COL13A1: variants seen among roughly 807,000 people sequenced by gnomAD.
The protein encoded by COL13A1 is collagen type XIII alpha 1 chain.
A neutral mutation model predicts 130.9 loss-of-function variants in COL13A1; 89 were observed. The observed-to-expected ratio is 0.68, with a 90% CI of 0.57 to 0.81. The LOEUF (loss-of-function observed/expected upper bound fraction) is 0.81. Among genes scored for constraint, COL13A1 ranks in the 30% least tolerant of loss-of-function variants. COL13A1 has a pLI of 0.00. For synonymous variants in COL13A1, 402 were observed against 341.6 expected, an observed-to-expected ratio of 1.18 and a Z score of -1.95; for missense variants, 879 against 934.6, an observed-to-expected ratio of 0.94 and a Z score of 0.78.
At chr10:69,873,596 G>A (rs1056213849) in intron 4 of COL13A1, among the ~76,000 whole-genome samples, 2 of 152,168 alleles carry the variant, frequency 1.3e-5, no homozygotes, top group African/African-American at 4.8e-5. Context: ...ACTGCAAAGA[G>A]CATTAGTTTT....
intron 38 of COL13A1, among the ~76,000 whole-genome samples, chr10:69,950,169 T>C (rs2069279525): frequency 1.3e-5 from 2 of 152,098 alleles, no homozygotes; most frequent in Non-Finnish European, 2.9e-5. Context: ...GCTGTCAGTT[T>C]ATCTCCTCCA....
intron 32 of COL13A1, 57 bp from the exon 33 acceptor site, chr10:69,936,699 G>C: frequency 6.2e-7 from 1 of 1,603,388 alleles, no homozygotes; most frequent in South Asian, 1.1e-5. Flanking sequence ...TGTGGACTAG[G>C]CAGTTGTGTT....
At chr10:69,882,694 G>A (rs1421177494) in intron 7 of COL13A1, among the ~76,000 whole-genome samples, 3 of 152,200 alleles carry the variant, frequency 2.0e-5, no homozygotes, top group African/African-American at 7.2e-5. Flanking sequence ...TGTTTGAAAC[G>A]CTACGTTTAA....
chr10:69,887,627 C>A, intron 8 of COL13A1, 136 bp downstream of exon 8: 1 of 854,178 alleles, frequency 1.2e-6, no homozygotes, highest in Non-Finnish European at 1.9e-6. Context: ...CTTCTACAGC[C>A]ATTCATGGAC....
rs1202236418 is a variant in COL13A1 at position 69,936,108 on chromosome 10, GGAAGGAAGGAAGGAAGGAAA to G, written c.1771-628_1771-609del. Among the ~76,000 whole-genome samples the G allele has an allele frequency of 1.8e-3, 53 of 30,282 alleles. 2 individuals are homozygous for G. The East Asian group carries it at 0.019, about 11-fold the overall frequency. 19.9% of individuals were successfully genotyped at this position (30,282 alleles called of 152,430 possible). A position where few individuals can be genotyped will look rare whatever the true frequency, so the allele number is the denominator to read the frequency against. On this transcript the variant is annotated intron_variant, in intron 32 of 40. Transcript: ENST00000645393. ...GGGAGGGAAGGAGGGAAGGGAGGAA[GGAAGGAAGGAAGGAAGGAAA>G]GAAGGAAGGAAGGAAGGAAGGAAGG...
intron 10 of COL13A1, among the ~76,000 whole-genome samples, chr10:69,890,352 A>G (rs1239000776): frequency 6.6e-6 from 1 of 152,210 alleles, no homozygotes; most frequent in Non-Finnish European, 1.5e-5. Flanking sequence ...CTTTAAAAAA[A>G]CAAACAAACA....
At chr10:69,887,868 G>A (rs558974396) in intron 8 of COL13A1, among the ~76,000 whole-genome samples, 3 of 152,330 alleles carry the variant, frequency 2.0e-5, no homozygotes, top group Admixed American at 2.0e-4. Context: ...GGGGGAGGCA[G>A]AGGGGTGGCC....
At chr10:69,937,552 C>A in intron 33 of COL13A1, 83 bp from the exon 34 acceptor site, 1 of 708,544 alleles carries the variant, frequency 1.4e-6, no homozygotes, top group Non-Finnish European at 2.5e-6. Context: ...AATGCCACCC[C>A]AGCCTCCAGG....
At chr10:69,881,599 G>T (rs901812356) in intron 7 of COL13A1, among the ~76,000 whole-genome samples, 2 of 152,208 alleles carry the variant, frequency 1.3e-5, no homozygotes, top group Non-Finnish European at 2.9e-5. Flanking sequence ...AGGAGAGCAG[G>T]GGCAGGAGAG....
intron 13 of COL13A1, among the ~76,000 whole-genome samples, chr10:69,896,767 G>A (rs1564983554): frequency 2.0e-5 from 3 of 152,174 alleles, no homozygotes; most frequent in African/African-American, 2.4e-5. Flanking sequence ...TGCTGGGCCC[G>A]GGCTGAGGAA....
chr10:69,918,981 C>T, intron 19 of COL13A1, 81 bp from the exon 20 acceptor site: 3 of 1,569,936 alleles, frequency 1.9e-6, no homozygotes, highest in Non-Finnish European at 2.6e-6. Context: ...CTGCCCCCAA[C>T]CCCACCTCCA....
intron 2 of COL13A1, among the ~76,000 whole-genome samples, chr10:69,852,530 A>G (rs972379995): frequency 6.6e-6 from 1 of 152,266 alleles, no homozygotes; most frequent in African/African-American, 2.4e-5. Flanking sequence ...GCCAGCACCA[A>G]CATAGAGCAG....
chr10:69,864,464 G>A, intron 2 of COL13A1, among the ~76,000 whole-genome samples: 1 of 152,198 alleles, frequency 6.6e-6, no homozygotes, highest in South Asian at 2.1e-4. Flanking sequence ...GGGAGGAAAT[G>A]AGTTATTCAT....
intron 10 of COL13A1, among the ~76,000 whole-genome samples, chr10:69,891,451 A>G (rs2061160622): frequency 6.6e-6 from 1 of 152,190 alleles, no homozygotes; most frequent in African/African-American, 2.4e-5. Context: ...AACCGGAGGA[A>G]GGGCACTGGA....
At chr10:69,828,014 A>G (rs1847916180) in intron 2 of COL13A1, among the ~76,000 whole-genome samples, 1 of 152,228 alleles carries the variant, frequency 6.6e-6, no homozygotes, top group Non-Finnish European at 1.5e-5. Flanking sequence ...AAAAGATTCA[A>G]GAGTTGATGG....
chr10:69,833,268 C>G (rs1027040716), intron 2 of COL13A1, among the ~76,000 whole-genome samples: 1 of 152,176 alleles, frequency 6.6e-6, no homozygotes, highest in Non-Finnish European at 1.5e-5. Flanking sequence ...GAAGGACTGC[C>G]CTTCTGGGCA....
At chr10:69,861,563 G>A (rs75421934) in intron 2 of COL13A1, among the ~76,000 whole-genome samples, 75 of 152,236 alleles carry the variant, frequency 4.9e-4, no homozygotes, top group Non-Finnish European at 5.3e-4. Flanking sequence ...CTCCGTCTCT[G>A]CCACTCCCCA....
At chr10:69,833,551 G>T (rs1025074492) in intron 2 of COL13A1, among the ~76,000 whole-genome samples, 1 of 152,194 alleles carries the variant, frequency 6.6e-6, no homozygotes, top group Non-Finnish European at 1.5e-5. Context: ...AGAAGCATAG[G>T]CATCTAGTTT....
intron 14 of COL13A1, among the ~76,000 whole-genome samples, chr10:69,901,568 C>T (rs1019054806): frequency 2.6e-5 from 4 of 152,188 alleles, no homozygotes; most frequent in African/African-American, 7.2e-5. Context: ...CCGCCTGCAT[C>T]CCCCAGCCTC....
Sources: gnomAD v4.1 joint callset for allele counts (sites outside exome capture counted in the v4.1 genomes callset) on GRCh38, gnomAD v4.1.1 for gene constraint, MANE v1.5 for transcripts, NCBI Gene and HGNC (gene_info 2026-07-23, HGNC 2026-07-21) for gene names.